The following RAPGEF2 variants were observed in gnomAD, a reference collection of about 807,000 sequenced individuals.
RAPGEF2 encodes the protein PDZ domain containing guanine nucleotide exchange factor (GEF) 1.
A neutral mutation model predicts 186.7 loss-of-function variants in RAPGEF2; 54 were observed. That is an observed-to-expected ratio of 0.29 (90% CI 0.23 to 0.36). The LOEUF (loss-of-function observed/expected upper bound fraction) is 0.36. RAPGEF2 is among the 10% of genes least tolerant of loss of function. The probability of loss-of-function intolerance (pLI) is 1.00; values close to 1 mark genes in which losing one functional copy is unlikely to be tolerated. For synonymous variants in RAPGEF2, 712 were observed against 705.9 expected (o/e 1.01, Z -0.14); for missense variants, 1,532 against 2,045.0 (o/e 0.75, Z 4.84).
At chr4:159,217,776 A>T (rs1014172853) in intron 4 of RAPGEF2, among the ~76,000 whole-genome samples, 16 of 152,220 alleles carry the variant, frequency 1.1e-4, no homozygotes, top group Non-Finnish European at 2.1e-4. Flanking sequence ...TCCCACCAAT[A>T]GTGTATAAGC....
At chr4:159,300,092 A>G (rs1334503627) in intron 7 of RAPGEF2, among the ~76,000 whole-genome samples, 5 of 151,588 alleles carry the variant, frequency 3.3e-5, no homozygotes, top group Admixed American at 6.6e-5. Flanking sequence ...TATTAATATT[A>G]TAAAGTATTA....
At chr4:159,113,671 G>A (rs1357975650) in intron 1 of RAPGEF2, among the ~76,000 whole-genome samples, 1 of 150,502 alleles carries the variant, frequency 6.6e-6, no homozygotes, top group Admixed American at 6.6e-5. Context: ...GAACCCAGGA[G>A]GTGGAGGTTG....
intron 7 of RAPGEF2, chr4:159,268,043 C>T: frequency 6.8e-7 from 1 of 1,461,238 alleles, no homozygotes; most frequent in Non-Finnish European, 9.0e-7. Flanking sequence ...GGTTTTCCCT[C>T]CTCCCTTTTT....
At chr4:159,337,754 G>A (rs1336183412) in intron 17 of RAPGEF2, among the ~76,000 whole-genome samples, 2 of 151,522 alleles carry the variant, frequency 1.3e-5, no homozygotes, top group Non-Finnish European at 2.9e-5. Context: ...GCCGGGCATG[G>A]TGGCGGACGC....
At chr4:159,342,510 C>G (rs182609403) in intron 20 of RAPGEF2, among the ~76,000 whole-genome samples, 2 of 145,586 alleles carry the variant, frequency 1.4e-5, no homozygotes, top group Admixed American at 1.4e-4. Flanking sequence ...TAGTCATACT[C>G]TCATTACTAT....
At chr4:159,219,941 T>C (rs1190484335) in intron 4 of RAPGEF2, among the ~76,000 whole-genome samples, 1 of 152,214 alleles carries the variant, frequency 6.6e-6, no homozygotes, top group Non-Finnish European at 1.5e-5. Context: ...GGTGCTGAAC[T>C]AAAAGAGAGA....
At chr4:159,109,782 C>G (rs1738290570) in intron 1 of RAPGEF2, among the ~76,000 whole-genome samples, 1 of 152,156 alleles carries the variant, frequency 6.6e-6, no homozygotes, top group African/African-American at 2.4e-5. Context: ...AAGTGGTATT[C>G]CAGATTGACC....
At chr4:159,230,896 A>G (rs1417744629) in intron 4 of RAPGEF2, among the ~76,000 whole-genome samples, 1 of 152,164 alleles carries the variant, frequency 6.6e-6, no homozygotes, top group African/African-American at 2.4e-5. Context: ...TAAACGCTGT[A>G]TTGATTACTG....
At chr4:159,278,081 T>C (rs940349870) in intron 7 of RAPGEF2, among the ~76,000 whole-genome samples, 24 of 152,226 alleles carry the variant, frequency 1.6e-4, no homozygotes, top group African/African-American at 5.5e-4. Flanking sequence ...GTTTTAGGTC[T>C]AACATTTAAG....
chr4:159,263,915 G>A (rs762503394), intron 7 of RAPGEF2, among the ~76,000 whole-genome samples: 1 of 152,048 alleles, frequency 6.6e-6, no homozygotes, highest in Non-Finnish European at 1.5e-5. Flanking sequence ...TTTTTGGAGT[G>A]TTGTTACTGA....
chr4:159,248,268 C>G (rs1287630180), intron 7 of RAPGEF2, among the ~76,000 whole-genome samples: 1 of 151,924 alleles, frequency 6.6e-6, no homozygotes, highest in Non-Finnish European at 1.5e-5. Context: ...AATGTGAAAA[C>G]TGGATTAGGT....
At chr4:159,139,133 G>T (rs914373321) in intron 1 of RAPGEF2, among the ~76,000 whole-genome samples, 1 of 152,198 alleles carries the variant, frequency 6.6e-6, no homozygotes, top group African/African-American at 2.4e-5. Context: ...CACACCTACC[G>T]TGTGTGTATG....
intron 1 of RAPGEF2, among the ~76,000 whole-genome samples, chr4:159,159,214 G>A (rs540241647): frequency 1.8e-4 from 28 of 152,202 alleles, no homozygotes; most frequent in South Asian, 6.2e-4. Flanking sequence ...CCTGGATCAC[G>A]CAGCTGTTTA....
At chr4:159,320,765 G>A (rs1335035612) in intron 9 of RAPGEF2, among the ~76,000 whole-genome samples, 1 of 151,950 alleles carries the variant, frequency 6.6e-6, no homozygotes, top group Admixed American at 6.6e-5. Context: ...CTTTGTTTTA[G>A]CAGTTAATAA....
At chr4:159,188,089 GAA>G (rs1219599477) in intron 2 of RAPGEF2, among the ~76,000 whole-genome samples, 1 of 152,136 alleles carries the variant, frequency 6.6e-6, no homozygotes, top group Non-Finnish European at 1.5e-5. Context: ...ATTAGAGCAA[GAA>G]TAATTTTTAA....
intron 4 of RAPGEF2, among the ~76,000 whole-genome samples, chr4:159,216,869 A>G (rs1423679472): frequency 6.6e-6 from 1 of 152,226 alleles, no homozygotes; most frequent in Non-Finnish European, 1.5e-5. Context: ...CACATTTTAA[A>G]TTACAGCTGG....
At chr4:159,264,074 AT>A (rs1306389242) in intron 7 of RAPGEF2, among the ~76,000 whole-genome samples, 2 of 151,964 alleles carry the variant, frequency 1.3e-5, no homozygotes, top group Admixed American at 6.6e-5. Flanking sequence ...GGTAAGTGTG[AT>A]TTTTTCTTAT....
chr4:159,184,249 A>G (rs1001363735), intron 1 of RAPGEF2, among the ~76,000 whole-genome samples: 1 of 152,222 alleles, frequency 6.6e-6, no homozygotes, highest in Admixed American at 6.5e-5. Context: ...TCCTTTGGGT[A>G]TATACCCAGT....
chr4:159,243,827 C>A lies in RAPGEF2; in HGVS notation c.543+36C>A, dbSNP rs1457318163. The A allele has an allele frequency of 6.4e-6, 8 of 1,246,656 alleles. No individual in the cohort carries two copies. The Admixed American group carries it at 1.8e-4, about 29-fold the overall frequency. 77.2% of individuals were successfully genotyped at this position (1,246,656 alleles called of 1,614,324 possible). ...TTGTGTGTGGTCTTCTGACACTAAC[C>A]TAAGTTTACGTGTGAATTTGCACTG... On this transcript the variant is annotated intron_variant, in intron 7 of 29. Coordinates refer to ENST00000691494, the MANE Select transcript of RAPGEF2 (RefSeq NM_001394067.2).
Sources: allele counts gnomAD v4.1 joint callset (sites outside exome capture counted in the v4.1 genomes callset), GRCh38; gene constraint gnomAD v4.1.1; transcripts MANE v1.5; gene names NCBI Gene and HGNC (gene_info 2026-07-23, HGNC 2026-07-21).